The following PRDM10 variants were observed in gnomAD, a reference collection of about 807,000 sequenced individuals.
PRDM10 encodes PR domain zinc finger protein 10.
Under a neutral mutation model 133.1 loss-of-function variants are expected in PRDM10, and 65 were observed. The observed-to-expected ratio is 0.49, with a 90% CI of 0.40 to 0.60. The LOEUF (loss-of-function observed/expected upper bound fraction) is 0.60. PRDM10 is among the 20% of genes least tolerant of loss of function. PRDM10 has a pLI of 0.00. For synonymous variants in PRDM10, 582 were observed against 580.4 expected (o/e 1.00, Z -0.04); for missense variants, 1,137 against 1,507.1 (o/e 0.75, Z 4.07).
intron 1 of PRDM10, among the ~76,000 whole-genome samples, chr11:129,975,682 C>T (rs1159526097): frequency 6.6e-6 from 1 of 152,104 alleles, no homozygotes; most frequent in Non-Finnish European, 1.5e-5. Flanking sequence ...CTTCCTCTGC[C>T]CAGCCACACT....
Position 129,901,790 on chromosome 11 carries a change from T to C in PRDM10, c.*523A>G, listed in dbSNP as rs1312687507. On this transcript the variant is annotated 3_prime_UTR_variant, in exon 21 of 21. Coordinates refer to ENST00000360871, the MANE Select transcript of PRDM10 (RefSeq NM_199437.2). ...CTTCAGAATATCACTGTCAAACTTTTGTTTCATCATTTTAATTTTGTTATT... is the reference window on the plus strand; with the variant it reads ...CTTCAGAATATCACTGTCAAACTTTCGTTTCATCATTTTAATTTTGTTATT... The C allele has an allele frequency of 6.6e-6, 1 of 152,502 alleles. No homozygotes were observed. 9.4% of individuals were successfully genotyped at this position (152,502 alleles called of 1,614,324 possible).
At chr11:129,988,851 G>A (rs917083182) in intron 1 of PRDM10, among the ~76,000 whole-genome samples, 4 of 151,666 alleles carry the variant, frequency 2.6e-5, no homozygotes, top group Admixed American at 2.6e-4. Context: ...GGATGGTCTC[G>A]ATCTCCTGAC....
chr11:129,923,339 G>A lies in PRDM10; in HGVS notation c.1943C>T (p.Ala648Val), dbSNP rs1485415176. 6.2e-6 allele frequency: 10 copies of A among 1,612,176 alleles called. No homozygotes were observed. The highest frequency in any genetic ancestry group is 8.5e-6 in the Non-Finnish European group (10 of 1,179,300). The change falls in exon 13 of 21, where the codon GCC becomes GTC. Residue 648 changes from alanine (A) to valine (V), a missense_variant. Around this residue, in one of 6 missense-constraint regions of PRDM10, gnomAD observed 635 missense variants for 835.2 expected, o/e 0.76. Transcript: ENST00000360871. The surrounding 1 kb of genome is among the most constrained non-coding windows in gnomAD (Gnocchi z 4.4). ...KIYQCTECDK[A>V]FCRPDKLRLH... The stretch of plus-strand genomic sequence containing the variant: ...TCGCAGTTTATCGGGGCGACAGAAG[G>A]CCTTGTCACACTCTGTGCACTGGTA...
intron 6 of PRDM10, among the ~76,000 whole-genome samples, chr11:129,944,456 G>A (rs1951330676): frequency 6.6e-6 from 1 of 152,060 alleles, no homozygotes; most frequent in Non-Finnish European, 1.5e-5. Context: ...GTGGTGGCGG[G>A]CGCCTGTAGT....
At chr11:129,912,726 T>A (rs1241196219) in intron 17 of PRDM10, among the ~76,000 whole-genome samples, 1 of 137,470 alleles carries the variant, frequency 7.3e-6, no homozygotes, top group Admixed American at 7.7e-5. Context: ...CACTCCAGCC[T>A]GGGCGACAGA....
At chr11:129,929,563 A>G (rs1950786657) in intron 11 of PRDM10, 2 of 715,956 alleles carry the variant, frequency 2.8e-6, no homozygotes, top group Non-Finnish European at 4.4e-6. Context: ...GTGAGAGAAA[A>G]AAAAACAAAA....
chr11:129,970,630 C>T lies in PRDM10; in HGVS notation c.-118-9548G>A, dbSNP rs563158034. ...CACGATCTCAGCTCACTGCAACCTC[C>T]GCCTCTTGGGTTTAGGGGACTCTCC... On this transcript the variant is annotated intron_variant, in intron 1 of 20. Transcript: ENST00000360871. Among the ~76,000 whole-genome samples, 5 of 151,998 alleles carry T rather than the reference C, an allele frequency of 3.3e-5. No homozygotes were observed. The East Asian group carries it at 7.7e-4, about 24-fold the overall frequency.
Position 129,910,524 on chromosome 11 carries a change from C to T in PRDM10, c.3115G>A (p.Val1039Met), listed in dbSNP as rs1950154129. 1 of 1,614,136 alleles carries T rather than the reference C, an allele frequency of 6.2e-7. No homozygotes were observed. The highest frequency in any genetic ancestry group is 1.3e-5 in the African/African-American group (1 of 75,052). Residue 1039 changes from valine to methionine, a missense_variant, in exon 19 of 21, where the codon GTG becomes ATG. Physicochemically the swap from Val to Met is conservative, Grantham distance 21. Coordinates refer to ENST00000360871, the MANE Select transcript of PRDM10 (RefSeq NM_199437.2). ...GCACTGGGCAGGTACGTGTGCTGCACAGAGGAATTCTGCTGCTGCTGCTGC... is the reference window on the plus strand; with the variant it reads ...GCACTGGGCAGGTACGTGTGCTGCATAGAGGAATTCTGCTGCTGCTGCTGC... ...QQQQQQQNSS[V>M]QHTYLPSAWN...
intron 8 of PRDM10, among the ~76,000 whole-genome samples, chr11:129,935,602 C>T (rs1182290017): frequency 6.6e-6 from 1 of 152,138 alleles, no homozygotes; most frequent in African/African-American, 2.4e-5. Flanking sequence ...GCACAAATAA[C>T]TTAAAAGTCA....
At chr11:129,915,892 G>A in intron 15 of PRDM10, 32 bp from the exon 16 acceptor site, 1 of 1,589,622 alleles carries the variant, frequency 6.3e-7, no homozygotes, top group Non-Finnish European at 8.6e-7. Context: ...CATGAAAGCA[G>A]TATACAGTTC....
intron 1 of PRDM10, among the ~76,000 whole-genome samples, chr11:129,975,202 G>C (rs144386804): frequency 6.6e-6 from 1 of 152,242 alleles, no homozygotes; most frequent in African/African-American, 2.4e-5. Flanking sequence ...CGAGGCAGGT[G>C]AATCACCTGA....
intron 1 of PRDM10, among the ~76,000 whole-genome samples, chr11:129,988,835 T>C (rs565474254): frequency 1.3e-5 from 2 of 151,972 alleles, no homozygotes; most frequent in South Asian, 2.1e-4. Flanking sequence ...TTCACCGTGT[T>C]AGCCAGGATG....
At chr11:129,985,306 T>C (rs1318176472) in intron 1 of PRDM10, among the ~76,000 whole-genome samples, 3 of 152,100 alleles carry the variant, frequency 2.0e-5, no homozygotes, top group Non-Finnish European at 2.9e-5. Context: ...GATATGTGTA[T>C]ATATATCTCA....
At chr11:129,930,015 GT>G (rs899328665) in intron 11 of PRDM10, among the ~76,000 whole-genome samples, 1 of 152,188 alleles carries the variant, frequency 6.6e-6, no homozygotes, top group Non-Finnish European at 1.5e-5. Context: ...CATAAAGGCT[GT>G]TTAGCCTCAG....
At position 129,918,743 on chromosome 11, in the gene PRDM10, CGGGGTAGACACG is replaced by C; in HGVS notation, c.2035-37_2035-26del. 1 of 1,586,574 alleles carries C rather than the reference CGGGGTAGACACG, an allele frequency of 6.3e-7. No homozygotes were observed. Among genetic ancestry groups the C allele is most frequent in the Non-Finnish European group, 8.6e-7 (1 of 1,162,792 alleles). ...GCTATTTGGAGAGTATTTTTGAAAA[CGGGGTAGACACG>C]GGGGTAGAAAATTTTTAACTGAAGG... On this transcript the variant is annotated intron_variant, in intron 13 of 20. Transcript: ENST00000360871. The surrounding 1 kb of genome is among the most constrained non-coding windows in gnomAD (Gnocchi z 5.3).
chr11:129,962,370 AAG>A (rs1386117774), intron 1 of PRDM10, among the ~76,000 whole-genome samples: 3 of 152,212 alleles, frequency 2.0e-5, no homozygotes, highest in Non-Finnish European at 4.4e-5. Flanking sequence ...AACTCTGGAA[AAG>A]AGAGGATGCC....
Position 129,931,039 on chromosome 11 carries a change from T to C in PRDM10, c.1507A>G (p.Met503Val). 6.2e-7 allele frequency: 1 copy of C among 1,613,580 alleles called. No individual in the cohort carries two copies. ...ACTCGGATGCGCTTGGCTCTGCGCA[T>C]GTCGTCGGCTGTCAGCGTGCTCTGG... is the stretch of plus-strand genomic sequence containing the variant. Reference protein sequence around the residue: ...PTQSTLTADDMRRAKRIRNAA... With the variant: ...PTQSTLTADDVRRAKRIRNAA... Residue 503 changes from methionine to valine, a missense_variant, in exon 11 of 21, where the codon ATG (methionine) becomes GTG (valine). Met to Val is a conservative substitution (Grantham distance 21, BLOSUM62 1). Around this residue, in one of 6 missense-constraint regions of PRDM10, gnomAD observed 635 missense variants for 835.2 expected, o/e 0.76. Transcript: ENST00000360871.
intron 1 of PRDM10, among the ~76,000 whole-genome samples, chr11:129,984,275 C>A (rs903131482): frequency 7.2e-5 from 11 of 152,216 alleles, no homozygotes; most frequent in Non-Finnish European, 1.3e-4. Flanking sequence ...TCTCTGCGCA[C>A]CAGCTAGCAT....
In PRDM10 at chr11:129,944,906, G is replaced by T; in HGVS notation, c.627C>A (p.Pro209=). The T allele has an allele frequency of 6.2e-7, 1 of 1,614,088 alleles. No homozygotes were observed. The highest frequency in any genetic ancestry group is 2.2e-5 in the East Asian group (1 of 44,854). ...GAAACCTGTCTATGTAGAGCACCAGGGGGAGGCTCGCCCTGGCCCGGGTGA... is the reference window on the plus strand; with the variant it reads ...GAAACCTGTCTATGTAGAGCACCAGTGGGAGGCTCGCCCTGGCCCGGGTGA... ...PVLTRARASL[P]LVLYIDRFLG... is the part of the protein sequence containing the mutation. Residue 209 remains proline (P), a synonymous_variant, in exon 6 of 21, where the codon CCC becomes CCA. Coordinates refer to ENST00000360871, the MANE Select transcript of PRDM10 (RefSeq NM_199437.2).
Sources: gnomAD v4.1 joint callset for allele counts (sites outside exome capture counted in the v4.1 genomes callset) on GRCh38, gnomAD v4.1.1 for gene constraint, gnomAD v4.1.1 regional missense constraint, Gnocchi (gnomAD v3.1) non-coding constraint, MANE v1.5 for transcripts, NCBI Gene and HGNC (gene_info 2026-07-23, HGNC 2026-07-21) for gene names.